The following IFT88 variants were observed in gnomAD, a reference collection of about 807,000 sequenced individuals.
IFT88 encodes intraflagellar transport 88.
A neutral mutation model predicts 119.5 loss-of-function variants in IFT88; 74 were observed. That is an observed-to-expected ratio of 0.62 (90% confidence interval 0.51 to 0.75). IFT88 has a LOEUF of 0.75. IFT88 is among the 30% of genes least tolerant of loss of function. IFT88 has a pLI of 0.00. For synonymous variants in IFT88, 279 were observed against 316.7 expected (o/e 0.88, Z 1.26); for missense variants, 961 against 977.7 (o/e 0.98, Z 0.23).
At chr13:20,671,794 A>G (rs2055911957) in intron 24 of IFT88, among the ~76,000 whole-genome samples, 1 of 152,178 alleles carries the variant, frequency 6.6e-6, no homozygotes, top group African/African-American at 2.4e-5. Context: ...ATTCTCTCCT[A>G]TCCATACTCA....
chr13:20,578,669 C>T (rs1264992176), intron 2 of IFT88, among the ~76,000 whole-genome samples: 1 of 152,124 alleles, frequency 6.6e-6, no homozygotes, highest in Non-Finnish European at 1.5e-5. Context: ...CCTGCCTCAG[C>T]CTCCCAAGTA....
chr13:20,590,369 T>G (rs373725415), intron 4 of IFT88, among the ~76,000 whole-genome samples: 52 of 152,246 alleles, frequency 3.4e-4, no homozygotes, highest in African/African-American at 1.2e-3. Flanking sequence ...AATTTGGATG[T>G]TTTAGCTTAT....
chr13:20,591,618 G>A lies in IFT88; in HGVS notation c.265G>A (p.Asp89Asn). The change falls in exon 6 of 26, where the codon GAT (aspartate) becomes AAT (asparagine). Residue 89 changes from aspartate to asparagine, a missense_variant and splice_region_variant. Coordinates refer to ENST00000351808, the MANE Select transcript of IFT88 (RefSeq NM_006531.5). ...TAAATGATTCCCATTCTCTTTAAAG[G>A]ATGGAGTTACTAGACCCATGACAGC... ...IGRPMTGAIQ[D>N]GVTRPMTAVR... The A allele has an allele frequency of 1.9e-6, 3 of 1,609,904 alleles. No homozygotes were observed. The highest frequency in any genetic ancestry group is 2.5e-6 in the Non-Finnish European group (3 of 1,176,702).
At chr13:20,634,036 A>C (rs1289850230) in intron 16 of IFT88, among the ~76,000 whole-genome samples, 1 of 152,120 alleles carries the variant, frequency 6.6e-6, no homozygotes, top group South Asian at 2.1e-4. Flanking sequence ...TTCCTACCTC[A>C]TGCCTGTCAC....
chr13:20,607,310 T>C, intron 13 of IFT88: 2 of 463,486 alleles, frequency 4.3e-6, no homozygotes, highest in Non-Finnish European at 8.6e-6. Context: ...CGGCAAGTAC[T>C]TCGCATCCCT....
intron 24 of IFT88, among the ~76,000 whole-genome samples, chr13:20,674,715 TATATA>T (rs1309124052): frequency 3.1e-4 from 12 of 38,388 alleles, no homozygotes; most frequent in African/African-American, 1.0e-3. Flanking sequence ...TATATATATA[TATATA>T]TATATTTTTT....
At chr13:20,633,481 G>A (rs550154223) in intron 16 of IFT88, among the ~76,000 whole-genome samples, 2 of 152,270 alleles carry the variant, frequency 1.3e-5, no homozygotes, top group South Asian at 4.1e-4. Flanking sequence ...GTGGCCAGTA[G>A]CACCTCCAGC....
At position 20,625,773 on chromosome 13, in the gene IFT88, C is replaced by G. The variant is rs941518598; in HGVS notation, c.1223C>G (p.Ser408Cys). The G allele has an allele frequency of 1.9e-6, 3 of 1,605,114 alleles. No homozygotes were observed. Among genetic ancestry groups the G allele is most frequent in the African/African-American group, 1.3e-5 (1 of 74,422 alleles). ...AGGTGCGTGGAAGTGGTGAAAGCTT[C>G]TCAATATGTAGAGCTAGCCAATGAT... The part of the protein sequence containing the change: ...YDWCVEVVKA[S>C]QYVELANDLE... Residue 408 changes from serine (S) to cysteine (C), a missense_variant, in exon 15 of 26, where the codon TCT (serine) becomes TGT (cysteine). Physicochemically the swap from Ser to Cys is moderately radical, Grantham distance 112. Transcript: ENST00000351808.
Position 20,605,089 on chromosome 13 carries a change from C to G in IFT88, c.1096C>G (p.Gln366Glu). 1 of 1,457,332 alleles carries G rather than the reference C, an allele frequency of 6.9e-7. No individual in the cohort carries two copies. Among genetic ancestry groups the G allele is most frequent in the Non-Finnish European group, 9.6e-7 (1 of 1,045,272 alleles). 90.3% of individuals were successfully genotyped at this position (1,457,332 alleles called of 1,614,324 possible). The change falls in exon 13 of 26, where the codon CAA becomes GAA. Residue 366 changes from glutamine (Q) to glutamate (E), a missense_variant. By Grantham distance (29) the Gln-to-Glu change is conservative. Transcript: ENST00000351808. ...AGCTATAAAAAATGATCACCTCAGG[C>G]AAATGGAACGTGAAAGGTAATATTT... ...TEAIKNDHLRQMERERKAMAE... is the reference protein window; with the variant it reads ...TEAIKNDHLREMERERKAMAE...
intron 15 of IFT88, among the ~76,000 whole-genome samples, chr13:20,628,634 G>A (rs976440392): frequency 5.9e-5 from 9 of 152,122 alleles, no homozygotes; most frequent in Admixed American, 2.0e-4. Flanking sequence ...ACAAAAACTT[G>A]AGCGAAAAAA....
Position 20,640,488 on chromosome 13 carries a change from G to A in IFT88, c.1574-802G>A, listed in dbSNP as rs2049736567. Among the ~76,000 whole-genome samples the A allele has an allele frequency of 2.0e-5, 3 of 151,956 alleles. No individual in the cohort carries two copies. In the South Asian group the frequency reaches 6.2e-4, roughly 31 times the overall value. On this transcript the variant is annotated intron_variant, in intron 17 of 25. Coordinates refer to ENST00000351808, the MANE Select transcript of IFT88 (RefSeq NM_006531.5). ...CTCAGGAGGCTGAGGCAGGAGAATG[G>A]CATGAACCCAGGAGGCGGAGCTTGC...
chr13:20,625,274 G>A (rs1364325782), intron 14 of IFT88, among the ~76,000 whole-genome samples: 1 of 152,120 alleles, frequency 6.6e-6, no homozygotes, highest in African/African-American at 2.4e-5. Flanking sequence ...AGGGTTAAAC[G>A]TATTAATGCT....
intron 7 of IFT88, among the ~76,000 whole-genome samples, chr13:20,594,083 T>C (rs1157223580): frequency 6.6e-6 from 1 of 151,476 alleles, no homozygotes; most frequent in African/African-American, 2.4e-5. Flanking sequence ...AAAAGACATA[T>C]ACATAATTAA....
At chr13:20,613,900 G>A (rs750812753) in intron 13 of IFT88, among the ~76,000 whole-genome samples, 13 of 151,932 alleles carry the variant, frequency 8.6e-5, no homozygotes, top group Non-Finnish European at 1.8e-4. Context: ...AAAAGACCAC[G>A]TTTTATGATT....
At chr13:20,570,757 A>T (rs958218815) in intron 1 of IFT88, among the ~76,000 whole-genome samples, 7 of 152,132 alleles carry the variant, frequency 4.6e-5, no homozygotes, top group African/African-American at 1.7e-4. Context: ...TGGGATGATG[A>T]AAGTGTTCTG....
intron 11 of IFT88, among the ~76,000 whole-genome samples, chr13:20,601,123 T>C (rs2042526472): frequency 6.6e-6 from 1 of 152,216 alleles, no homozygotes; most frequent in Non-Finnish European, 1.5e-5. Context: ...CCCAGCACTT[T>C]GGGAGGCCGA....
At chr13:20,633,396 G>A (rs895580799) in intron 16 of IFT88, among the ~76,000 whole-genome samples, 1 of 152,026 alleles carries the variant, frequency 6.6e-6, no homozygotes, top group African/African-American at 2.4e-5. Context: ...CCCAAAAAAG[G>A]GTCACCTCTA....
intron 2 of IFT88, among the ~76,000 whole-genome samples, chr13:20,579,535 C>T (rs186314057): frequency 1.4e-4 from 21 of 152,270 alleles, no homozygotes; most frequent in African/African-American, 5.1e-4. Flanking sequence ...TGGGACTCAC[C>T]CTTCAAGGCA....
intron 24 of IFT88, among the ~76,000 whole-genome samples, chr13:20,685,699 G>C (rs990603946): frequency 1.3e-5 from 2 of 152,140 alleles, no homozygotes; most frequent in African/African-American, 4.8e-5. Flanking sequence ...AGCCAACATG[G>C]TGAGACCCTG....
Sources: allele counts gnomAD v4.1 joint callset (sites outside exome capture counted in the v4.1 genomes callset), GRCh38; gene constraint gnomAD v4.1.1; transcripts MANE v1.5; gene names NCBI Gene and HGNC (gene_info 2026-07-23, HGNC 2026-07-21).